The following VAV3 variants were observed in gnomAD, a reference collection of about 807,000 sequenced individuals.
The protein encoded by VAV3 is vav guanine nucleotide exchange factor 3.
A neutral mutation model predicts 131.2 loss-of-function variants in VAV3; 94 were observed. The observed-to-expected ratio is 0.72, with a 90% CI of 0.61 to 0.85. The LOEUF (loss-of-function observed/expected upper bound fraction) is 0.85. VAV3 is among the 40% of genes least tolerant of loss of function. The pLI is 0.00. For missense variants in VAV3, 939 were observed against 1,002.7 expected (o/e 0.94, Z 0.86); for synonymous variants, 349 against 342.0 (o/e 1.02, Z -0.22).
At chr1:107,953,938 T>C (rs1246732322) in intron 1 of VAV3, among the ~76,000 whole-genome samples, 1 of 152,204 alleles carries the variant, frequency 6.6e-6, no homozygotes, top group Non-Finnish European at 1.5e-5. Flanking sequence ...AAAAACTGAA[T>C]ACACTTCTTG....
At chr1:107,870,713 C>T (rs1169949824) in intron 2 of VAV3, among the ~76,000 whole-genome samples, 1 of 152,128 alleles carries the variant, frequency 6.6e-6, no homozygotes, top group Non-Finnish European at 1.5e-5. Context: ...TGACTCACCC[C>T]TAAGCTGATG....
At chr1:107,850,007 T>C (rs1669146872) in intron 2 of VAV3, among the ~76,000 whole-genome samples, 3 of 152,080 alleles carry the variant, frequency 2.0e-5, no homozygotes, top group South Asian at 4.1e-4. Context: ...GAAATTCAGA[T>C]CAAAACCATG....
At chr1:107,795,991 T>C (rs1666520893) in intron 2 of VAV3, among the ~76,000 whole-genome samples, 1 of 152,128 alleles carries the variant, frequency 6.6e-6, no homozygotes, top group Admixed American at 6.5e-5. Flanking sequence ...TGAAGAAGAT[T>C]GGGTAAAAGC....
chr1:107,836,175 T>G (rs1185646010), intron 2 of VAV3, among the ~76,000 whole-genome samples: 2 of 152,070 alleles, frequency 1.3e-5, no homozygotes, highest in African/African-American at 4.8e-5. Context: ...ACTTGACAAA[T>G]TGGACCTAAT....
intron 10 of VAV3, 42 bp downstream of exon 10, chr1:107,760,742 G>T: frequency 6.8e-7 from 1 of 1,466,266 alleles, no homozygotes; most frequent in East Asian, 2.3e-5. Flanking sequence ...ATTTTGTTGA[G>T]TGAATAAATG....
intron 2 of VAV3, among the ~76,000 whole-genome samples, chr1:107,869,526 T>A (rs576224355): frequency 1.3e-5 from 2 of 152,232 alleles, no homozygotes; most frequent in Admixed American, 6.5e-5. Context: ...CTAAACTCAA[T>A]ACATGGATGA....
chr1:107,579,858 A>G (rs1362406093), intron 25 of VAV3, among the ~76,000 whole-genome samples: 1 of 152,088 alleles, frequency 6.6e-6, no homozygotes, highest in Non-Finnish European at 1.5e-5. Context: ...CTACCTCCTG[A>G]GGCCCTCAGC....
At chr1:107,647,854 T>C (rs1218732259) in intron 19 of VAV3, among the ~76,000 whole-genome samples, 3 of 152,026 alleles carry the variant, frequency 2.0e-5, no homozygotes, top group Non-Finnish European at 4.4e-5. Flanking sequence ...CCTTTCCTGA[T>C]ACAAGTTCAC....
intron 15 of VAV3, among the ~76,000 whole-genome samples, chr1:107,716,439 A>G (rs150525977): frequency 2.0e-5 from 3 of 152,286 alleles, no homozygotes; most frequent in African/African-American, 7.2e-5. Context: ...AGTTTTTAGC[A>G]TGAAGCGCTG....
At chr1:107,607,907 C>G (rs1052620605) in intron 22 of VAV3, among the ~76,000 whole-genome samples, 3 of 152,042 alleles carry the variant, frequency 2.0e-5, no homozygotes, top group Admixed American at 1.3e-4. Context: ...TGCCATCAAG[C>G]AAAGTAATTT....
chr1:107,831,324 G>A (rs932683319), intron 2 of VAV3, among the ~76,000 whole-genome samples: 1 of 152,062 alleles, frequency 6.6e-6, no homozygotes, highest in East Asian at 1.9e-4. Flanking sequence ...AAGGTTAATG[G>A]AACTGAGTGA....
At chr1:107,600,355 T>C (rs190271490) in intron 24 of VAV3, among the ~76,000 whole-genome samples, 24 of 152,338 alleles carry the variant, frequency 1.6e-4, no homozygotes, top group African/African-American at 5.5e-4. Flanking sequence ...TCCTTGTTTT[T>C]CTTTTCATAA....
chr1:107,833,681 G>GTGTGTTTA (rs1411876571), intron 2 of VAV3, among the ~76,000 whole-genome samples: 1 of 152,082 alleles, frequency 6.6e-6, no homozygotes. Context: ...CAATTATACA[G>GTGTGTTTA]TGTGTTTATG....
At chr1:107,685,010 T>C (rs1366037583) in intron 18 of VAV3, among the ~76,000 whole-genome samples, 2 of 152,154 alleles carry the variant, frequency 1.3e-5, no homozygotes, top group South Asian at 4.1e-4. Context: ...TAATGCACAA[T>C]AGAAGCTGTC....
intron 22 of VAV3, among the ~76,000 whole-genome samples, chr1:107,606,102 C>T (rs1202365412): frequency 5.9e-5 from 9 of 152,162 alleles, no homozygotes; most frequent in Admixed American, 2.0e-4. Flanking sequence ...ACTAGCTCAT[C>T]CTTCAGCTTT....
intron 15 of VAV3, among the ~76,000 whole-genome samples, chr1:107,717,903 T>A (rs2101904974): frequency 6.6e-6 from 1 of 152,322 alleles, no homozygotes; most frequent in South Asian, 2.1e-4. Context: ...AAGGACTTGC[T>A]TTATGAATCT....
chr1:107,892,832 GC>G (rs1463788289), intron 1 of VAV3, among the ~76,000 whole-genome samples: 4 of 152,008 alleles, frequency 2.6e-5, no homozygotes, highest in Non-Finnish European at 5.9e-5. Flanking sequence ...CTTTTTCTTG[GC>G]CTAGATTTCC....
rs66956697 is a variant in VAV3 at position 107,874,731 on chromosome 1, T to TTGA, written c.321+169_321+170insTCA. 0.015 allele frequency among the ~76,000 whole-genome samples: 54 copies of TTGA among 3,676 alleles called. No individual in the cohort carries two copies. In the African/African-American group the frequency reaches 0.23, roughly 16 times the overall value. The allele number at this position is 3,676 out of a possible 152,430, so 2.4% of individuals were successfully genotyped here. A position where few individuals can be genotyped will look rare whatever the true frequency, so the allele number is the denominator to read the frequency against. On this transcript the variant is annotated intron_variant, in intron 2 of 26. Transcript: ENST00000370056. ...TTGTTGTATGTGTGGGGTTTCTTTT[T>TTGA]TGTTGTTGTTTTTTGGTTTTTGGTT...
At chr1:107,718,900 C>T (rs1416023193) in intron 15 of VAV3, among the ~76,000 whole-genome samples, 2 of 152,166 alleles carry the variant, frequency 1.3e-5, no homozygotes, top group Non-Finnish European at 2.9e-5. Context: ...AGAAATAACA[C>T]CACACATCTA....
Sources: allele counts gnomAD v4.1 joint callset (sites outside exome capture counted in the v4.1 genomes callset), GRCh38; gene constraint gnomAD v4.1.1; transcripts MANE v1.5; gene names NCBI Gene and HGNC (gene_info 2026-07-23, HGNC 2026-07-21).